The following NHEJ1 variants were observed in gnomAD, a reference collection of about 807,000 sequenced individuals.
The protein encoded by NHEJ1 is non-homologous end joining factor 1.
NHEJ1 carries 22 observed loss-of-function variants against 39.4 expected under a neutral mutation model. That is an observed-to-expected ratio of 0.56 (90% CI 0.40 to 0.80). NHEJ1 has a LOEUF of 0.80. Ranked by LOEUF, NHEJ1 falls within the 30% of genes least tolerant of loss-of-function variation. The pLI, the probability that NHEJ1 is intolerant of heterozygous loss-of-function variation, is 0.00. For synonymous variants in NHEJ1, 154 were observed against 135.6 expected, an observed-to-expected ratio of 1.14 and a Z score of -0.94; for missense variants, 329 against 357.1, an observed-to-expected ratio of 0.92 and a Z score of 0.63.
intron 5 of NHEJ1, among the ~76,000 whole-genome samples, chr2:219,134,932 C>T (rs773405614): frequency 1.3e-5 from 2 of 150,586 alleles, no homozygotes; most frequent in African/African-American, 2.4e-5. Flanking sequence ...CCCAGCTACT[C>T]GGGATGCTGA....
chr2:219,153,582 A>G (rs907073039), intron 3 of NHEJ1, among the ~76,000 whole-genome samples: 3 of 152,100 alleles, frequency 2.0e-5, no homozygotes, highest in African/African-American at 7.2e-5. Context: ...GCTTACGCCT[A>G]TAATTCCAAC....
At chr2:219,141,508 G>C (rs1949691693) in intron 5 of NHEJ1, among the ~76,000 whole-genome samples, 1 of 151,992 alleles carries the variant, frequency 6.6e-6, no homozygotes, top group Admixed American at 6.6e-5. Context: ...TTGAAAGTAA[G>C]GACAAAGAGG....
intron 5 of NHEJ1, among the ~76,000 whole-genome samples, chr2:219,145,827 G>A (rs896894136): frequency 6.6e-6 from 1 of 151,932 alleles, no homozygotes; most frequent in Admixed American, 6.6e-5. Context: ...AGCTACTCAG[G>A]AGGTTGAGGC....
chr2:219,124,647 CA>C (rs1398349163), intron 5 of NHEJ1: 34 of 152,070 alleles, frequency 2.2e-4, no homozygotes, highest in African/African-American at 7.0e-4. Context: ...CAGCTGCCTG[CA>C]TTTCCTGGGC....
chr2:219,101,611 A>G (rs1949261274), intron 5 of NHEJ1, among the ~76,000 whole-genome samples: 2 of 150,292 alleles, frequency 1.3e-5, no homozygotes, highest in Admixed American at 1.3e-4. Flanking sequence ...GAGTCTCGCT[A>G]TGTTTCCCAG....
chr2:219,095,306 G>A (rs905688697), intron 5 of NHEJ1: 3 of 470,974 alleles, frequency 6.4e-6, no homozygotes, highest in African/African-American at 6.0e-5. Context: ...AGCATGTAGA[G>A]TTCTAGGCCA....
intron 5 of NHEJ1, among the ~76,000 whole-genome samples, chr2:219,097,394 A>G (rs141477250): frequency 2.6e-4 from 40 of 152,172 alleles, no homozygotes; most frequent in Non-Finnish European, 4.9e-4. Context: ...GGGCCAATAG[A>G]ATCTCTTGAT....
chr2:219,135,969 A>C (rs1026170246), intron 5 of NHEJ1, among the ~76,000 whole-genome samples: 5 of 152,216 alleles, frequency 3.3e-5, no homozygotes, highest in Admixed American at 2.6e-4. Context: ...CAGTCTGTTA[A>C]ACTGTGCTAG....
intron 5 of NHEJ1, among the ~76,000 whole-genome samples, chr2:219,125,926 C>G (rs574915792): frequency 5.6e-4 from 86 of 152,362 alleles, no homozygotes; most frequent in Admixed American, 2.7e-3. Context: ...CAGTTCTGCT[C>G]TCATCCCACT....
Position 219,156,257 on chromosome 2 carries a change from T to A in NHEJ1, c.390+1215A>T, listed in dbSNP as rs552306396. On this transcript the variant is annotated intron_variant, in intron 3 of 7. Transcript: ENST00000356853. ...GAGTGAAACTCCGTCTCAAAAAAAA[T>A]AAATAAAATAAAATAAAATAAACAT... Among the ~76,000 whole-genome samples the A allele has an allele frequency of 7.2e-5, 11 of 151,900 alleles. No individual in the cohort carries two copies. In the East Asian group the frequency reaches 1.9e-3, roughly 27 times the overall value.
chr2:219,146,091 A>T (rs1949736755), intron 5 of NHEJ1, among the ~76,000 whole-genome samples: 1 of 152,206 alleles, frequency 6.6e-6, no homozygotes, highest in Middle Eastern at 3.2e-3. Context: ...TTGGCATTTA[A>T]TAGATGTTTC....
chr2:219,141,592 A>AT (rs1438078419), intron 5 of NHEJ1, among the ~76,000 whole-genome samples: 1 of 152,220 alleles, frequency 6.6e-6, no homozygotes, highest in Admixed American at 6.5e-5. Flanking sequence ...GATAAGGAAT[A>AT]TAAGAGAAAT....
intron 5 of NHEJ1, among the ~76,000 whole-genome samples, chr2:219,107,738 A>C (rs1949327019): frequency 6.6e-6 from 1 of 152,046 alleles, no homozygotes; most frequent in South Asian, 2.1e-4. Flanking sequence ...TCTGGGGCCT[A>C]ATCTCCCTCT....
At chr2:219,151,745 T>C (rs1002667082) in intron 3 of NHEJ1, among the ~76,000 whole-genome samples, 5 of 152,160 alleles carry the variant, frequency 3.3e-5, no homozygotes, top group Non-Finnish European at 7.3e-5. Flanking sequence ...GGTGGGCAGA[T>C]GACCCGAAGC....
intron 5 of NHEJ1, among the ~76,000 whole-genome samples, chr2:219,107,868 T>C (rs1949328242): frequency 6.6e-6 from 1 of 152,044 alleles, no homozygotes; most frequent in Non-Finnish European, 1.5e-5. Context: ...CTTGTTCTGC[T>C]TACAGCCCCA....
At chr2:219,086,668 C>T (rs903469994) in intron 5 of NHEJ1, among the ~76,000 whole-genome samples, 2 of 152,084 alleles carry the variant, frequency 1.3e-5, no homozygotes, top group Non-Finnish European at 2.9e-5. Flanking sequence ...TACAGCCCCT[C>T]AGAGTCATAG....
chr2:219,115,989 G>A (rs1257175252), intron 5 of NHEJ1, among the ~76,000 whole-genome samples: 1 of 151,116 alleles, frequency 6.6e-6, no homozygotes, highest in East Asian at 1.9e-4. Flanking sequence ...GCGTGGGGGT[G>A]TGTGCCTGTA....
At chr2:219,106,084 C>A (rs1431886993) in intron 5 of NHEJ1, among the ~76,000 whole-genome samples, 3 of 152,198 alleles carry the variant, frequency 2.0e-5, no homozygotes, top group African/African-American at 7.2e-5. Flanking sequence ...ACTAAACGTT[C>A]ATTCCATGAA....
intron 1 of NHEJ1, 24 bp downstream of exon 1, chr2:219,160,696 G>A (rs1949927420): frequency 6.6e-6 from 1 of 152,250 alleles, no homozygotes; most frequent in Non-Finnish European, 1.5e-5. Flanking sequence ...GCTCCTGCCC[G>A]GACTCGAACG....
Sources: gnomAD v4.1 joint callset for allele counts (sites outside exome capture counted in the v4.1 genomes callset) on GRCh38, gnomAD v4.1.1 for gene constraint, MANE v1.5 for transcripts, NCBI Gene and HGNC (gene_info 2026-07-23, HGNC 2026-07-21) for gene names.